SLC7A9: variants seen among roughly 807,000 people sequenced by gnomAD.
SLC7A9 encodes B(0,+)-type amino acid transporter 1.
SLC7A9 carries 38 observed loss-of-function variants against 54.1 expected under a neutral mutation model. The ratio of observed to expected loss-of-function variants is 0.70; its 90% CI spans 0.54 to 0.92. The LOEUF is 0.92. SLC7A9 is among the 40% of genes least tolerant of loss of function. The pLI is 0.00. For synonymous variants in SLC7A9, 264 were observed against 258.9 expected, an observed-to-expected ratio of 1.02 and a Z score of -0.19; for missense variants, 537 against 636.1, an observed-to-expected ratio of 0.84 and a Z score of 1.68.
chr19:32,859,765 A>G, intron 8 of SLC7A9, 76 bp downstream of exon 8: 1 of 1,217,572 alleles, frequency 8.2e-7, no homozygotes, highest in South Asian at 1.2e-5. Flanking sequence ...GAGGGAGCTC[A>G]CCTCCAGTGC....
chr19:32,858,382 G>A, intron 9 of SLC7A9, 58 bp downstream of exon 9: 2 of 1,177,744 alleles, frequency 1.7e-6, no homozygotes, highest in Non-Finnish European at 2.5e-6. Context: ...CTTCCTCGGG[G>A]GTGATATTGC....
chr19:32,842,108 G>C, intron 11 of SLC7A9, 60 bp downstream of exon 11: 4 of 1,539,044 alleles, frequency 2.6e-6, no homozygotes, highest in Non-Finnish European at 3.6e-6. Flanking sequence ...ATTTGAAAGA[G>C]TTACATCTAA....
intron 9 of SLC7A9, among the ~76,000 whole-genome samples, chr19:32,847,651 G>T (rs545723741): frequency 1.3e-5 from 2 of 152,246 alleles, no homozygotes; most frequent in East Asian, 3.9e-4. Flanking sequence ...ATCTAGCAAG[G>T]CAGGCCAATA....
intron 12 of SLC7A9, among the ~76,000 whole-genome samples, chr19:32,831,771 G>A (rs956891602): frequency 6.6e-6 from 1 of 152,180 alleles, no homozygotes; most frequent in Non-Finnish European, 1.5e-5. Context: ...AAAGGCTTGG[G>A]CCCCAGCCCA....
chr19:32,860,763 C>T, intron 6 of SLC7A9, 113 bp from the exon 7 acceptor site: 5 of 1,429,342 alleles, frequency 3.5e-6, no homozygotes, highest in Non-Finnish European at 4.8e-6. Flanking sequence ...GAAAAAAATT[C>T]TCCTGCAGGA....
intron 11 of SLC7A9, among the ~76,000 whole-genome samples, chr19:32,836,713 C>T (rs569279652): frequency 3.3e-5 from 5 of 152,242 alleles, no homozygotes; most frequent in African/African-American, 1.2e-4. Context: ...TTTCCAGTCA[C>T]CTGTTATTAA....
In SLC7A9 at chr19:32,842,188, C is replaced by T. The variant is rs2145809294; in HGVS notation, c.1204G>A (p.Glu402Lys). ...GLIVMRFTRKELERPIKVPVV... is the reference protein window; with the variant it reads ...GLIVMRFTRKKLERPIKVPVV... ...CTTACCTTGATAGGCCTTTCCAGCT[C>T]TTTCCTTGTAAATCTCATCACGATG... is the stretch of plus-strand genomic sequence containing the variant. Residue 402 changes from glutamate to lysine, a missense_variant, in exon 11 of 13, where the codon GAG becomes AAG. Physicochemically the swap from Glu to Lys is moderately conservative, Grantham distance 56 (BLOSUM62 1). Transcript: ENST00000023064. 1 of 1,614,176 alleles carries T rather than the reference C, an allele frequency of 6.2e-7. No individual in the cohort carries two copies. Among genetic ancestry groups the T allele is most frequent in the Non-Finnish European group, 8.5e-7 (1 of 1,180,034 alleles).
In SLC7A9 at chr19:32,838,372, ATATAT is replaced by A. The variant is rs1272457572; in HGVS notation, c.1224+3791_1224+3795del. Among the ~76,000 whole-genome samples, 5 of 151,168 alleles carry A rather than the reference ATATAT, an allele frequency of 3.3e-5. No homozygotes were observed. The East Asian group carries it at 7.7e-4, about 23-fold the overall frequency. On this transcript the variant is annotated intron_variant, in intron 11 of 12. Transcript: ENST00000023064. ...AGAGTTACTGTAACTATTATAGCTA[ATATAT>A]TATAACTAATATATTTTAAAGGGGA...
At chr19:32,838,394 T>TA (rs1267869485) in intron 11 of SLC7A9, among the ~76,000 whole-genome samples, 1 of 150,310 alleles carries the variant, frequency 6.7e-6, no homozygotes, top group East Asian at 1.9e-4. Flanking sequence ...TAATATATTT[T>TA]AAAGGGGACT....
chr19:32,862,349 G>T (rs933863987), intron 5 of SLC7A9, 112 bp downstream of exon 5: 3 of 1,513,520 alleles, frequency 2.0e-6, no homozygotes, highest in Non-Finnish European at 2.7e-6. Flanking sequence ...CCCTCCCACC[G>T]AGTTCCTGCC....
Position 32,869,700 on chromosome 19 carries a change from C to G in SLC7A9, c.-126G>C, listed in dbSNP as rs1375789156. On this transcript the variant is annotated 5_prime_UTR_variant, in exon 1 of 13. Transcript: ENST00000023064. ...ACCTTACTTACCTTCCTCCGTGACC[C>G]TGCAGAGCCGGAGGAGCTGCGGCCC... 6.6e-6 allele frequency: 1 copy of G among 152,324 alleles called. No individual in the cohort carries two copies. The highest frequency in any genetic ancestry group is 2.4e-5 in the African/African-American group (1 of 41,472). 9.4% of individuals were successfully genotyped at this position (152,324 alleles called of 1,614,324 possible).
chr19:32,844,004 A>C (rs987410007), intron 9 of SLC7A9, 53 bp from the exon 10 acceptor site: 1 of 1,332,664 alleles, frequency 7.5e-7, no homozygotes, highest in East Asian at 2.3e-5. Context: ...CCATCTGTCC[A>C]GGGCCACTGA....
At chr19:32,864,017 G>A in intron 4 of SLC7A9, 79 bp downstream of exon 4, 2 of 1,598,970 alleles carry the variant, frequency 1.3e-6, no homozygotes, top group South Asian at 1.1e-5. Context: ...GACTCACTGG[G>A]GAGGAGCTGA....
rs778467491 is a variant in SLC7A9 at position 32,830,597 on chromosome 19, T to G, written c.*23A>C. ...GCTTAAGAAAATAAATTCAGCTGAC[T>G]TGGCTACAAGAGACGGAGCTTGTTA... On this transcript the variant is annotated 3_prime_UTR_variant, in exon 13 of 13. Coordinates refer to ENST00000023064, the MANE Select transcript of SLC7A9 (RefSeq NM_014270.5). 4 of 1,589,196 alleles carry G rather than the reference T, an allele frequency of 2.5e-6. 1 individual carries two copies. Among genetic ancestry groups the G allele is most frequent in the Non-Finnish European group, 3.5e-6 (4 of 1,157,264 alleles).
intron 9 of SLC7A9, among the ~76,000 whole-genome samples, chr19:32,845,571 A>G (rs1453111936): frequency 6.6e-6 from 1 of 152,246 alleles, no homozygotes; most frequent in Non-Finnish European, 1.5e-5. Context: ...GGCAAATCCA[A>G]TTTGAGCACA....
chr19:32,853,155 C>G (rs1968519101), intron 9 of SLC7A9, among the ~76,000 whole-genome samples: 1 of 152,182 alleles, frequency 6.6e-6, no homozygotes, highest in African/African-American at 2.4e-5. Context: ...AAGTGATCCA[C>G]CCACTTCGGC....
chr19:32,836,097 T>C (rs1967951881), intron 11 of SLC7A9, among the ~76,000 whole-genome samples: 1 of 152,088 alleles, frequency 6.6e-6, no homozygotes. Flanking sequence ...GTATTTTTAG[T>C]AGAGACAGGG....
intron 9 of SLC7A9, among the ~76,000 whole-genome samples, chr19:32,856,485 T>A: frequency 6.6e-6 from 1 of 152,168 alleles, no homozygotes; most frequent in Non-Finnish European, 1.5e-5. Flanking sequence ...TGAGCCACCA[T>A]GCCCAGCCAG....
chr19:32,835,092 CT>C (rs1373793375), intron 11 of SLC7A9, among the ~76,000 whole-genome samples: 3 of 152,208 alleles, frequency 2.0e-5, no homozygotes, highest in Non-Finnish European at 4.4e-5. Flanking sequence ...CACCCAGCCC[CT>C]GAATTAAACT....
Sources: gnomAD v4.1 joint callset for allele counts (sites outside exome capture counted in the v4.1 genomes callset) on GRCh38, gnomAD v4.1.1 for gene constraint, MANE v1.5 for transcripts, NCBI Gene and HGNC (gene_info 2026-07-23, HGNC 2026-07-21) for gene names.